UMODL1: variants seen among roughly 807,000 people sequenced by gnomAD.
UMODL1 encodes the protein uromodulin-like 1.
A neutral mutation model predicts 136.3 loss-of-function variants in UMODL1; 128 were observed. That is an observed-to-expected ratio of 0.94 (90% CI 0.81 to 1.09). The LOEUF (loss-of-function observed/expected upper bound fraction) is 1.09. Among genes scored for constraint, UMODL1 ranks in the 50% least tolerant of loss-of-function variants. UMODL1 has a pLI of 0.00. For synonymous variants in UMODL1, 721 were observed against 720.0 expected, an observed-to-expected ratio of 1.00 and a Z score of -0.02; for missense variants, 1,766 against 1,725.6, an observed-to-expected ratio of 1.02 and a Z score of -0.41.
chr21:42,070,221 T>C (rs1190546989), upstream of UMODL1, among the ~76,000 whole-genome samples: 1 of 152,222 alleles, frequency 6.6e-6, no homozygotes, highest in East Asian at 1.9e-4. Flanking sequence ...TCCCGAACCA[T>C]GCAGCCAACG....
chr21:42,099,029 G>A lies in UMODL1; in HGVS notation c.1035G>A (p.Arg345=). 3 of 1,614,190 alleles carry A rather than the reference G, an allele frequency of 1.9e-6. No homozygotes were observed. Among genetic ancestry groups the A allele is most frequent in the Non-Finnish European group, 2.5e-6 (3 of 1,180,046 alleles). The change falls in exon 7 of 23, where the codon CGG becomes CGA. Residue 345 remains arginine (R), a synonymous_variant. Coordinates refer to ENST00000408910, the MANE Select transcript of UMODL1 (RefSeq NM_001004416.3). The surrounding 1 kb of genome is among the most constrained non-coding windows in gnomAD (Gnocchi z 4.1). ...NSTQNHTFHV[R]VYRGMELLRS... Reference sequence around the variant, plus strand: ...CACAGAACCACACTTTCCATGTCCGGGTTTACCGGGGTATGGAGTTGCTCA... The same window carrying A: ...CACAGAACCACACTTTCCATGTCCGAGTTTACCGGGGTATGGAGTTGCTCA...
At chr21:42,094,312 C>T (rs894301915) in intron 6 of UMODL1, among the ~76,000 whole-genome samples, 1 of 152,218 alleles carries the variant, frequency 6.6e-6, no homozygotes, top group Non-Finnish European at 1.5e-5. Context: ...ACAGCATCCC[C>T]GGCACCTTCC....
Position 42,092,400 on chromosome 21 carries a change from T to TG in UMODL1, c.931+1962_931+1963insG, listed in dbSNP as rs1295870501. Among the ~76,000 whole-genome samples, 10 of 151,918 alleles carry TG rather than the reference T, an allele frequency of 6.6e-5. No individual in the cohort carries two copies. The East Asian group carries it at 1.9e-3, about 29-fold the overall frequency. On this transcript the variant is annotated intron_variant, in intron 6 of 22. Coordinates refer to ENST00000408910, the MANE Select transcript of UMODL1 (RefSeq NM_001004416.3). Reference sequence around the variant, plus strand: ...AGGGTTGAGGGTTTTTTTGTTTTTTTTTTTAAACCTTATTTAAATCCTGCT... The same window carrying TG: ...AGGGTTGAGGGTTTTTTTGTTTTTTTGTTTTAAACCTTATTTAAATCCTGCT...
chr21:42,108,710 A>G (rs60147771), intron 9 of UMODL1, among the ~76,000 whole-genome samples: 48,208 of 151,892 alleles, frequency 0.32, 7,866 homozygotes, highest in African/African-American at 0.4. Flanking sequence ...ACCCCATGGG[A>G]GCTACATTGT....
chr21:42,118,894 A>G (rs1432769292), intron 14 of UMODL1, among the ~76,000 whole-genome samples: 2 of 151,762 alleles, frequency 1.3e-5, no homozygotes, highest in African/African-American at 2.4e-5. Context: ...TGGGGGGGGA[A>G]ACAAGGGCTC....
At chr21:42,124,122 C>T (rs2067018403) in intron 17 of UMODL1, among the ~76,000 whole-genome samples, 1 of 152,098 alleles carries the variant, frequency 6.6e-6, no homozygotes, top group African/African-American at 2.4e-5. Flanking sequence ...GCCTCTGTGT[C>T]ACAGCGAACG....
rs2066229479 is a variant in UMODL1, at chr21:42,071,365, G to C, written c.49G>C (p.Gly17Arg). The change falls in exon 1 of 23, where the codon GGC becomes CGC. Residue 17 changes from glycine to arginine, a missense_variant. Transcript: ENST00000408910. Reference sequence around the variant, plus strand: ...ACTGCTGGCTCTGGTCAGTGCTGTGGGCCCAAGCCAGGCCAGCGGCTTCAC... The same window carrying C: ...ACTGCTGGCTCTGGTCAGTGCTGTGCGCCCAAGCCAGGCCAGCGGCTTCAC... Reference protein sequence around the residue: ...LALLALVSAVGPSQASGFTEK... With the variant: ...LALLALVSAVRPSQASGFTEK... 1.3e-6 allele frequency: 2 copies of C among 1,596,276 alleles called. No homozygotes were observed. Among genetic ancestry groups the C allele is most frequent in the East Asian group, 4.6e-5 (2 of 43,176 alleles).
intron 6 of UMODL1, among the ~76,000 whole-genome samples, chr21:42,091,320 C>T (rs937078067): frequency 5.3e-5 from 8 of 152,186 alleles, no homozygotes; most frequent in South Asian, 4.1e-4. Context: ...CCTAGCATCG[C>T]GGGATCAGCC....
intron 17 of UMODL1, among the ~76,000 whole-genome samples, chr21:42,125,832 C>T (rs1396801579): frequency 6.6e-6 from 1 of 152,192 alleles, no homozygotes; most frequent in East Asian, 1.9e-4. Context: ...GTGCTCAGAT[C>T]GCCACCCACA....
intron 21 of UMODL1, 105 bp downstream of exon 21, chr21:42,129,902 A>G: frequency 1.2e-6 from 1 of 839,832 alleles, no homozygotes; most frequent in Non-Finnish European, 1.8e-6. Context: ...AGAACTCTTG[A>G]GAGACTTCTA....
chr21:42,109,688 G>A lies in UMODL1; in HGVS notation c.1646G>A (p.Arg549Gln), dbSNP rs369099986. ...GACGCCACCCCCTCCCGCGCAGGCC[G>A]GGCCTGTGAGGGTACGTGTCGACCC... ...TRDATPSRAG[R>Q]ACEGDLVSPM... The change falls in exon 10 of 23, where the codon CGG (arginine) becomes CAG (glutamine). Residue 549 changes from arginine (R) to glutamine (Q), a missense_variant. Coordinates refer to ENST00000408910, the MANE Select transcript of UMODL1 (RefSeq NM_001004416.3). 5.1e-5 allele frequency: 82 copies of A among 1,603,020 alleles called. No homozygotes were observed. Among genetic ancestry groups the A allele is most frequent in the East Asian group, 2.5e-4 (11 of 44,876 alleles).
At chr21:42,098,551 G>A (rs1011187118) in intron 6 of UMODL1, among the ~76,000 whole-genome samples, 3 of 152,002 alleles carry the variant, frequency 2.0e-5, no homozygotes. Context: ...GGTGGATCAC[G>A]AGGTCAGGAG....
intron 4 of UMODL1, 143 bp from the exon 5 acceptor site, chr21:42,088,151 A>G (rs377004024): frequency 6.4e-6 from 5 of 786,792 alleles, no homozygotes; most frequent in African/African-American, 1.7e-5. Flanking sequence ...TGATGGATAG[A>G]TAAGTACTGT....
intron 17 of UMODL1, among the ~76,000 whole-genome samples, chr21:42,124,363 C>CTGGGT (rs2067023273): frequency 6.6e-6 from 1 of 152,102 alleles, no homozygotes; most frequent in Non-Finnish European, 1.5e-5. Flanking sequence ...CGTGCCGGCT[C>CTGGGT]TGGGTTGGGG....
intron 1 of UMODL1, among the ~76,000 whole-genome samples, chr21:42,074,838 C>A (rs1435043507): frequency 6.6e-6 from 1 of 152,130 alleles, no homozygotes; most frequent in Non-Finnish European, 1.5e-5. Context: ...AATTCTCCTG[C>A]CTCAGCCTCC....
At chr21:42,109,252 G>A (rs529793544) in intron 9 of UMODL1, among the ~76,000 whole-genome samples, 1 of 152,320 alleles carries the variant, frequency 6.6e-6, no homozygotes, top group Admixed American at 6.5e-5. Context: ...AGAGAGAGGA[G>A]AAAACATTTC....
At chr21:42,069,989 C>T (rs527441847), upstream of UMODL1, among the ~76,000 whole-genome samples, 1 of 152,200 alleles carries the variant, frequency 6.6e-6, no homozygotes, top group African/African-American at 2.4e-5. Flanking sequence ...CAAGGACACC[C>T]GTTGTACGCA....
upstream of UMODL1, among the ~76,000 whole-genome samples, chr21:42,071,014 C>A (rs1313571446): frequency 6.6e-6 from 1 of 152,226 alleles, no homozygotes; most frequent in East Asian, 1.9e-4. Context: ...TCCAGCGATG[C>A]GGTCTGGGCT....
chr21:42,088,200 T>C (rs1234031713), intron 4 of UMODL1, 94 bp from the exon 5 acceptor site: 2 of 1,338,710 alleles, frequency 1.5e-6, no homozygotes, highest in Non-Finnish European at 2.1e-6. Flanking sequence ...TACGTGTGTG[T>C]GGACAGTTCA....
Sources: allele counts gnomAD v4.1 joint callset (sites outside exome capture counted in the v4.1 genomes callset), GRCh38; gene constraint gnomAD v4.1.1; non-coding constraint Gnocchi (gnomAD v3.1); transcripts MANE v1.5; gene names NCBI Gene and HGNC (gene_info 2026-07-23, HGNC 2026-07-21).